The following NCKAP1 variants were observed in gnomAD, a reference collection of about 807,000 sequenced individuals.
The protein encoded by NCKAP1 is NCK associated protein 1.
NCKAP1 carries 21 observed loss-of-function variants against 151.2 expected under a neutral mutation model. The ratio of observed to expected loss-of-function variants is 0.14; its 90% CI spans 0.10 to 0.20. The LOEUF (loss-of-function observed/expected upper bound fraction) is 0.20. Ranked by LOEUF, NCKAP1 falls within the 10% of genes least tolerant of loss-of-function variation. The pLI, the probability that NCKAP1 is intolerant of heterozygous loss-of-function variation, is 1.00. For synonymous variants in NCKAP1, 484 were observed against 451.8 expected (o/e 1.07, Z -0.90); for missense variants, 933 against 1,352.1 (o/e 0.69, Z 4.86).
intron 1 of NCKAP1, among the ~76,000 whole-genome samples, chr2:183,036,941 C>A (rs1261545348): frequency 6.6e-6 from 1 of 152,066 alleles, no homozygotes; most frequent in Non-Finnish European, 1.5e-5. Flanking sequence ...GGTATGACAT[C>A]AAAGACACAT....
At chr2:182,950,048 G>A (rs996956397) in intron 23 of NCKAP1, among the ~76,000 whole-genome samples, 2 of 152,034 alleles carry the variant, frequency 1.3e-5, no homozygotes, top group Admixed American at 6.5e-5. Context: ...ATTCTGATAC[G>A]GTGACATATG....
chr2:182,951,615 C>A (rs113835439), intron 23 of NCKAP1, among the ~76,000 whole-genome samples: 8 of 107,536 alleles, frequency 7.4e-5, no homozygotes, highest in Admixed American at 3.0e-4. Context: ...GCAGCCTGGG[C>A]AACACAGTGA....
At chr2:183,035,068 A>G (rs1226521505) in intron 1 of NCKAP1, among the ~76,000 whole-genome samples, 3 of 152,136 alleles carry the variant, frequency 2.0e-5, no homozygotes, top group African/African-American at 7.2e-5. Flanking sequence ...AGTGAGTCAC[A>G]TTATTAGGTC....
chr2:182,995,002 A>C (rs770940368), intron 7 of NCKAP1, 115 bp from the exon 8 acceptor site: 34 of 769,110 alleles, frequency 4.4e-5, no homozygotes, highest in Non-Finnish European at 7.1e-5. Flanking sequence ...TCGCCCAAAT[A>C]CTACCACAAC....
chr2:182,951,715 A>G (rs932681553), intron 23 of NCKAP1, among the ~76,000 whole-genome samples: 1 of 152,020 alleles, frequency 6.6e-6, no homozygotes, highest in African/African-American at 2.4e-5. Context: ...TACGAAGAAA[A>G]TGTTTATTTT....
At chr2:182,966,680 T>C (rs1697579003) in intron 16 of NCKAP1, among the ~76,000 whole-genome samples, 1 of 152,014 alleles carries the variant, frequency 6.6e-6, no homozygotes, top group South Asian at 2.1e-4. Flanking sequence ...CAAAACAAAT[T>C]ATAGCCATTA....
At position 182,997,217 on chromosome 2, in the gene NCKAP1, GA is replaced by G. The variant is rs1227727489; in HGVS notation, c.604-1380del. On this transcript the variant is annotated intron_variant, in intron 6 of 30. Transcript: ENST00000361354. ...CAAAAAACTAACTTTTTGTTTCACT[GA>G]TCCTTTGTATGGTTTTTGGGTCTCA... Among the ~76,000 whole-genome samples, 7 of 152,206 alleles carry G rather than the reference GA, an allele frequency of 4.6e-5. No homozygotes were observed. The East Asian group carries it at 1.4e-3, about 29-fold the overall frequency.
intron 15 of NCKAP1, among the ~76,000 whole-genome samples, chr2:182,971,563 AAAC>A (rs1043864583): frequency 2.6e-5 from 4 of 152,186 alleles, no homozygotes; most frequent in African/African-American, 4.8e-5. Flanking sequence ...CATATGGAAC[AAAC>A]AACAACAAAA....
intron 10 of NCKAP1, among the ~76,000 whole-genome samples, chr2:182,983,828 T>C (rs1027011079): frequency 1.3e-5 from 2 of 152,038 alleles, no homozygotes; most frequent in Non-Finnish European, 2.9e-5. Flanking sequence ...AGCTCAGGAG[T>C]TCGAGACCAG....
chr2:183,029,010 G>C (rs1049012589), intron 1 of NCKAP1, among the ~76,000 whole-genome samples: 1 of 151,600 alleles, frequency 6.6e-6, no homozygotes, highest in African/African-American at 2.4e-5. Context: ...CCAGCTACTC[G>C]GGAGGCTGAG....
At chr2:182,956,829 T>C (rs1575029089) in intron 19 of NCKAP1, 1 of 382,474 alleles carries the variant, frequency 2.6e-6, no homozygotes, top group East Asian at 5.2e-5. Flanking sequence ...ACTGACTTAA[T>C]ATACAAAGGT....
At chr2:183,009,489 A>G (rs572256925) in intron 2 of NCKAP1, among the ~76,000 whole-genome samples, 8 of 151,416 alleles carry the variant, frequency 5.3e-5, no homozygotes, top group Admixed American at 2.6e-4. Context: ...CAAGCAAGCA[A>G]GCAGGCAAGC....
chr2:182,989,173 C>G lies in NCKAP1; in HGVS notation c.804G>C (p.Leu268Phe), dbSNP rs1397377162. 2 of 1,583,314 alleles carry G rather than the reference C, an allele frequency of 1.3e-6. No homozygotes were observed. Among genetic ancestry groups the G allele is most frequent in the Admixed American group, 2.0e-5 (1 of 50,656 alleles). Residue 268 changes from leucine (L) to phenylalanine (F), a missense_variant, in exon 9 of 31, where the codon TTG becomes TTC. Around this residue, in one of 2 missense-constraint regions of NCKAP1, gnomAD observed 607 missense variants for 795.0 expected, o/e 0.76. Transcript: ENST00000361354. Reference sequence around the variant, plus strand: ...CGTCAGTATTTAGGATCCCATGGCACAAAATAAAGCCAACTTTAAATAAAA... The same window carrying G: ...CGTCAGTATTTAGGATCCCATGGCAGAAAATAAAGCCAACTTTAAATAAAA... Reference protein sequence around the residue: ...MEKWIIFGFILCHGILNTDAT... With the variant: ...MEKWIIFGFIFCHGILNTDAT...
At chr2:182,941,926 C>A (rs560090546) in intron 24 of NCKAP1, 144 bp downstream of exon 24, 2 of 615,822 alleles carry the variant, frequency 3.2e-6, no homozygotes, top group African/African-American at 1.9e-5. Flanking sequence ...CCTTTGACTG[C>A]AAAAATGTTC....
intron 23 of NCKAP1, among the ~76,000 whole-genome samples, chr2:182,948,951 A>T (rs1051808321): frequency 6.6e-6 from 1 of 152,142 alleles, no homozygotes; most frequent in Non-Finnish European, 1.5e-5. Context: ...AAAAAAACAG[A>T]GTTTGTACAG....
rs968966674 is a variant in NCKAP1, at chr2:182,925,507, G to A, written c.*195C>T. On this transcript the variant is annotated 3_prime_UTR_variant, in exon 31 of 31. Coordinates refer to ENST00000361354, the MANE Select transcript of NCKAP1 (RefSeq NM_013436.5). ...TAGGAATAATCTCAGTGAATTCAGTGAATGTGCAACCTAAATCAACCAAGT... is the reference window on the plus strand; with the variant it reads ...TAGGAATAATCTCAGTGAATTCAGTAAATGTGCAACCTAAATCAACCAAGT... 2.9e-6 allele frequency: 1 copy of A among 349,962 alleles called. No homozygotes were observed. The highest frequency in any genetic ancestry group is 4.5e-5 in the East Asian group (1 of 22,344). The allele number at this position is 349,962 out of a possible 1,614,324, so 21.7% of individuals were successfully genotyped here. A position where few individuals can be genotyped will look rare whatever the true frequency, so the allele number is the denominator to read the frequency against.
At position 182,916,203 on chromosome 2, in the gene NCKAP1, G is replaced by A. The variant is rs1334172036; in HGVS notation, c.*9499C>T. 1 of 141,950 alleles carries A rather than the reference G, an allele frequency of 7.0e-6. No individual in the cohort carries two copies. Among genetic ancestry groups the A allele is most frequent in the East Asian group, 2.2e-4 (1 of 4,564 alleles). The allele number at this position is 141,950 out of a possible 1,614,324, so 8.8% of individuals were successfully genotyped here. A position where few individuals can be genotyped will look rare whatever the true frequency, so the allele number is the denominator to read the frequency against. On this transcript the variant is annotated 3_prime_UTR_variant, in exon 31 of 31. Transcript: ENST00000361354. ...AAAAAAAAAAAAAACATGTCTCTGT[G>A]TCATCACTGAGCTGCTGCTATTACA...
intron 2 of NCKAP1, among the ~76,000 whole-genome samples, chr2:183,022,314 A>C (rs905510567): frequency 1.3e-5 from 2 of 152,248 alleles, no homozygotes; most frequent in African/African-American, 4.8e-5. Flanking sequence ...ACAGATTTTC[A>C]TAACAAAATC....
intron 6 of NCKAP1, among the ~76,000 whole-genome samples, chr2:183,000,086 C>T (rs912658184): frequency 3.9e-4 from 59 of 152,222 alleles, no homozygotes; most frequent in African/African-American, 1.3e-3. Context: ...GAAGCCCAAA[C>T]CCAGCATCAC....
Sources: allele counts gnomAD v4.1 joint callset (sites outside exome capture counted in the v4.1 genomes callset), GRCh38; gene constraint gnomAD v4.1.1; regional missense constraint gnomAD v4.1.1; transcripts MANE v1.5; gene names NCBI Gene and HGNC (gene_info 2026-07-23, HGNC 2026-07-21).